Variants in EIF4G1 observed in about 807,000 individuals in gnomAD.
EIF4G1 encodes EIF4-gamma.
A neutral mutation model predicts 187.8 loss-of-function variants in EIF4G1; 4 were observed. The observed-to-expected ratio is 0.02, with a 90% CI of 0.01 to 0.05. EIF4G1 has a LOEUF of 0.05. Among genes scored for constraint, EIF4G1 ranks in the 10% least tolerant of loss-of-function variants. The pLI is 1.00. For missense variants in EIF4G1, 1,647 were observed against 2,081.1 expected, an observed-to-expected ratio of 0.79 and a Z score of 4.06; for synonymous variants, 844 against 781.4, an observed-to-expected ratio of 1.08 and a Z score of -1.34.
chr3:184,318,921 T>C (rs1723271406), intron 6 of EIF4G1, among the ~76,000 whole-genome samples: 1 of 151,854 alleles, frequency 6.6e-6, no homozygotes, highest in Non-Finnish European at 1.5e-5. Flanking sequence ...CAACTAAAAA[T>C]ACAAAAATTA....
Position 184,320,931 on chromosome 3 carries a change from G to C in EIF4G1, c.635G>C (p.Gly212Ala). 6.2e-7 allele frequency: 1 copy of C among 1,614,202 alleles called. No homozygotes were observed. The highest frequency in any genetic ancestry group is 8.5e-7 in the Non-Finnish European group (1 of 1,180,034). Residue 212 changes from glycine to alanine, a missense_variant, in exon 9 of 33, where the codon GGA (glycine) becomes GCA (alanine). Physicochemically the swap from Gly to Ala is moderately conservative, Grantham distance 60. Coordinates refer to ENST00000346169, the MANE Select transcript of EIF4G1 (RefSeq NM_198241.3). ...TASTPTPPQTGGGLEPQANGE... is the reference protein window; with the variant it reads ...TASTPTPPQTAGGLEPQANGE... ...GTAACCCTTTGTGTCCTGCAGACGG[G>C]AGGCGGTCTGGAGCCTCAAGCTAAT...
Position 184,326,875 on chromosome 3 carries a change from C to A in EIF4G1, c.3326-6C>A. 1.9e-6 allele frequency: 3 copies of A among 1,614,132 alleles called. No homozygotes were observed. The highest frequency in any genetic ancestry group is 1.1e-5 in the South Asian group (1 of 91,084). ...AGATTTTAATACGGATTTTCTGCATCCCCAGCATCAGAAGCTGCTCGCCCA... is the reference window on the plus strand; with the variant it reads ...AGATTTTAATACGGATTTTCTGCATACCCAGCATCAGAAGCTGCTCGCCCA... On this transcript the variant is annotated splice_region_variant and splice_polypyrimidine_tract_variant and intron_variant, in intron 22 of 32. Transcript: ENST00000346169.
intron 6 of EIF4G1, 115 bp downstream of exon 6, chr3:184,317,931 T>A: frequency 1.3e-6 from 1 of 780,836 alleles, no homozygotes; most frequent in Non-Finnish European, 2.2e-6. Context: ...CTAAAAATGA[T>A]AAGGTTAATA....
Position 184,325,247 on chromosome 3 carries a change from C to T in EIF4G1, c.2857-22C>T, listed in dbSNP as rs936211751. 3.1e-6 allele frequency: 5 copies of T among 1,613,378 alleles called. No homozygotes were observed. The African/African-American group carries it at 6.7e-5, about 22-fold the overall frequency. ...AGGTGGGACATGAGAAGTTCCTGGTCTGATGCCTTTCTCCTTCCTAGCCCC... is the reference window on the plus strand; with the variant it reads ...AGGTGGGACATGAGAAGTTCCTGGTTTGATGCCTTTCTCCTTCCTAGCCCC... On this transcript the variant is annotated intron_variant, in intron 18 of 32. Transcript: ENST00000346169. This position sits in a 1 kb window ranked among gnomAD's most constrained non-coding sequence, Gnocchi z 5.2.
chr3:184,316,868 C>T (rs1438021899), intron 4 of EIF4G1: 4 of 916,694 alleles, frequency 4.4e-6, no homozygotes, highest in African/African-American at 1.7e-5. Flanking sequence ...AGTTGGAGGC[C>T]GAGTGATGCA....
Position 184,316,782 on chromosome 3 carries a change from C to T in EIF4G1, c.148-539C>T, listed in dbSNP as rs753554348. 42 of 1,573,644 alleles carry T rather than the reference C, an allele frequency of 2.7e-5. 1 individual carries two copies. The South Asian group carries it at 4.5e-4, about 17-fold the overall frequency. On this transcript the variant is annotated intron_variant, in intron 4 of 32. Coordinates refer to ENST00000346169, the MANE Select transcript of EIF4G1 (RefSeq NM_198241.3). ...GACAGTCTTCTGGTCTCATCCTTAC[C>T]CTCCACCCTAGTCAGGGGCTAGACA...
rs538327957 is a variant in EIF4G1, at chr3:184,328,351, A to T, written c.3954-280A>T. ...GGTTGCAGTGAGCCGAGATCGTGCC[A>T]TTGCACTCCAGCCTGGGTGACAAAA... is the stretch of plus-strand genomic sequence containing the variant. On this transcript the variant is annotated intron_variant, in intron 26 of 32. Coordinates refer to ENST00000346169, the MANE Select transcript of EIF4G1 (RefSeq NM_198241.3). 2.0e-5 allele frequency: 10 copies of T among 509,460 alleles called. No individual in the cohort carries two copies. The South Asian group carries it at 2.0e-4, about 10-fold the overall frequency. The allele number at this position is 509,460 out of a possible 1,614,324, so 31.6% of individuals were successfully genotyped here.
rs766641567 is a variant in EIF4G1, at chr3:184,327,319, C to T, written c.3532C>T (p.Arg1178Trp). 27 of 1,613,668 alleles carry T rather than the reference C, an allele frequency of 1.7e-5. No homozygotes were observed. The highest frequency in any genetic ancestry group is 8.9e-5 in the East Asian group (4 of 44,898). The change falls in exon 24 of 33, where the codon CGG becomes TGG. Residue 1178 changes from arginine to tryptophan, a missense_variant. Transcript: ENST00000346169. Reference protein sequence around the residue: ...GDRGDRLDRARTPATKRSFSK... With the variant: ...GDRGDRLDRAWTPATKRSFSK... Reference sequence around the variant, plus strand: ...CCGTGGGGACCGGCTTGATCGTGCGCGGACACCTGCTACCAAGCGGAGCTT... The same window carrying T: ...CCGTGGGGACCGGCTTGATCGTGCGTGGACACCTGCTACCAAGCGGAGCTT...
rs1271366514 is a variant in EIF4G1, at chr3:184,319,620, C to G, written c.425-69C>G. On this transcript the variant is annotated intron_variant, in intron 6 of 32. Coordinates refer to ENST00000346169, the MANE Select transcript of EIF4G1 (RefSeq NM_198241.3). Reference sequence around the variant, plus strand: ...TGAGAGGTTTTGGGGTGGGAGGTGTCAGGCAGGCATTAGTATATGGTTGGG... The same window carrying G: ...TGAGAGGTTTTGGGGTGGGAGGTGTGAGGCAGGCATTAGTATATGGTTGGG... 7.6e-6 allele frequency: 8 copies of G among 1,053,572 alleles called. No homozygotes were observed. In the African/African-American group the frequency reaches 1.3e-4, roughly 17 times the overall value. The allele number at this position is 1,053,572 out of a possible 1,614,324, so 65.3% of individuals were successfully genotyped here. A position where few individuals can be genotyped will look rare whatever the true frequency, so the allele number is the denominator to read the frequency against.
At chr3:184,316,336 C>T (rs1722774083) in intron 4 of EIF4G1, 118 bp downstream of exon 4, 7 of 1,319,316 alleles carry the variant, frequency 5.3e-6, no homozygotes, top group Non-Finnish European at 7.4e-6. Context: ...CCTCTGTGTT[C>T]TTTCATGCGG....
rs530167757 is a variant in EIF4G1 at position 184,321,955 on chromosome 3, G to GGAA, written c.1386_1388dup (p.Glu465dup). The GGAA allele has an allele frequency of 3.4e-5, 55 of 1,612,132 alleles. No homozygotes were observed. The highest frequency in any genetic ancestry group is 8.9e-5 in the East Asian group (4 of 44,876). ...CTTCCCCAGCTCAGGAGGAGGAAATGGAAGAAGAAGAAGAAGAGGAAGAAG... is the reference window on the plus strand; with the variant it reads ...CTTCCCCAGCTCAGGAGGAGGAAATGGAAGAAGAAGAAGAAGAAGAGGAAGAAG... On this transcript the variant is annotated inframe_insertion, in exon 10 of 33. Coordinates refer to ENST00000346169, the MANE Select transcript of EIF4G1 (RefSeq NM_198241.3).
intron 24 of EIF4G1, 54 bp downstream of exon 24, chr3:184,327,502 C>G: frequency 1.9e-6 from 3 of 1,612,540 alleles, no homozygotes; most frequent in Non-Finnish European, 2.5e-6. Context: ...TTGGGACTAG[C>G]TGGTCCCCAG....
chr3:184,328,430 C>A, intron 26 of EIF4G1: 2 of 772,168 alleles, frequency 2.6e-6, no homozygotes, highest in Non-Finnish European at 2.2e-6. Context: ...CTTGACCATC[C>A]TGGTCAGCAT....
chr3:184,316,855 C>A, intron 4 of EIF4G1: 1 of 1,089,192 alleles, frequency 9.2e-7, no homozygotes, highest in Non-Finnish European at 1.4e-6. Context: ...TGTCCAGGTT[C>A]TCAGTTGGAG....
At position 184,327,149 on chromosome 3, in the gene EIF4G1, A is replaced by G. The variant is rs904373077; in HGVS notation, c.3429-67A>G. On this transcript the variant is annotated intron_variant, in intron 23 of 32. Coordinates refer to ENST00000346169, the MANE Select transcript of EIF4G1 (RefSeq NM_198241.3). ...GAACAAGGCCCAACAGTTGCTCAGC[A>G]TGTTGTGTAATTACATGAGTGCCTG... The G allele has an allele frequency of 5.6e-6, 9 of 1,594,792 alleles. No homozygotes were observed. The Middle Eastern group carries it at 6.7e-4, about 118-fold the overall frequency.
chr3:184,323,185 C>G lies in EIF4G1; in HGVS notation c.2032C>G (p.Leu678Val), dbSNP rs566648502. ...PSFANLGRTT[L>V]STRGPPRGGP... is the part of the protein sequence containing the mutation. ...CTTTGCCAACCTTGGCCGGACAACC[C>G]TTAGCACCCGTGGGCCCCCAAGGGG... is the stretch of plus-strand genomic sequence containing the variant. Residue 678 changes from leucine (L) to valine (V), a missense_variant, in exon 14 of 33, where the codon CTT becomes GTT. Transcript: ENST00000346169. The surrounding 1 kb of genome is among the most constrained non-coding windows in gnomAD (Gnocchi z 6.9). 92 of 1,614,130 alleles carry G rather than the reference C, an allele frequency of 5.7e-5. 1 individual carries two copies. The highest frequency in any genetic ancestry group is 3.3e-4 in the Middle Eastern group (2 of 6,084).
rs756995137 is a variant in EIF4G1, at chr3:184,328,959, T to A, written c.4130T>A (p.Leu1377Gln). The change falls in exon 28 of 33, where the codon CTG becomes CAG. Residue 1377 changes from leucine (L) to glutamine (Q), a missense_variant. Physicochemically the swap from Leu to Gln is moderately radical, Grantham distance 113. Transcript: ENST00000346169. ...RPLGKAASLL[L>Q]EILGLLCKSM... The stretch of plus-strand genomic sequence containing the variant: ...TTGGGCAAAGCTGCTTCCCTGTTGC[T>A]GGAGATCCTGGGCCTCCTGTGCAAA... 5 of 1,614,200 alleles carry A rather than the reference T, an allele frequency of 3.1e-6. No individual in the cohort carries two copies. The highest frequency in any genetic ancestry group is 4.2e-6 in the Non-Finnish European group (5 of 1,180,036).
rs200529085 is a variant in EIF4G1, at chr3:184,327,329, C to A, written c.3542C>A (p.Ala1181Asp). The part of the protein sequence containing the change: ...GDRLDRARTP[A>D]TKRSFSKEVE... ...CGGCTTGATCGTGCGCGGACACCTG[C>A]TACCAAGCGGAGCTTCAGCAAGGAA... Residue 1181 changes from alanine to aspartate, a missense_variant, in exon 24 of 33, where the codon GCT becomes GAT. Ala to Asp is a moderately radical substitution (Grantham distance 126). This residue lies in a region of EIF4G1 where 543 missense variants were observed against 638.0 expected (regional missense o/e 0.85). Coordinates refer to ENST00000346169, the MANE Select transcript of EIF4G1 (RefSeq NM_198241.3). 15 of 1,613,800 alleles carry A rather than the reference C, an allele frequency of 9.3e-6. No individual in the cohort carries two copies. In the South Asian group the frequency reaches 1.3e-4, roughly 14 times the overall value.
At position 184,316,205 on chromosome 3, in the gene EIF4G1, C is replaced by G; in HGVS notation, c.134C>G (p.Ser45Cys). The G allele has an allele frequency of 6.2e-7, 1 of 1,614,106 alleles. No individual in the cohort carries two copies. The highest frequency in any genetic ancestry group is 2.2e-5 in the East Asian group (1 of 44,882). ...CAAGCGACACAAATGAACACGCCTT[C>G]TCAGCCCCGCCAGGTGAGGGGCTGT... ...TPQATQMNTP[S>C]QPRQHFYPSR... The change falls in exon 4 of 33, where the codon TCT (serine) becomes TGT (cysteine). Residue 45 changes from serine to cysteine, a missense_variant. This residue lies in a region of EIF4G1 where 139 missense variants were observed against 187.3 expected (regional missense o/e 0.74). Transcript: ENST00000346169.
Sources: gnomAD v4.1 joint callset for allele counts (sites outside exome capture counted in the v4.1 genomes callset) on GRCh38, gnomAD v4.1.1 for gene constraint, gnomAD v4.1.1 regional missense constraint, Gnocchi (gnomAD v3.1) non-coding constraint, MANE v1.5 for transcripts, NCBI Gene and HGNC (gene_info 2026-07-23, HGNC 2026-07-21) for gene names.